Variants in DAB1 observed in about 807,000 individuals in gnomAD.
DAB1 encodes the protein DAB adaptor protein 1.
DAB1 carries 15 observed loss-of-function variants against 64.6 expected under a neutral mutation model. That is an observed-to-expected ratio of 0.23 (90% confidence interval 0.16 to 0.36). DAB1 has a LOEUF of 0.36. Ranked by LOEUF, DAB1 falls within the 10% of genes least tolerant of loss-of-function variation. The pLI is 1.00. For missense variants in DAB1, 596 were observed against 706.7 expected (o/e 0.84, Z 1.78); for synonymous variants, 235 against 251.9 (o/e 0.93, Z 0.64).
intron 3 of DAB1, among the ~76,000 whole-genome samples, chr1:58,485,591 TA>T (rs1645563487): frequency 1.3e-5 from 2 of 152,120 alleles, no homozygotes; most frequent in Admixed American, 6.5e-5. Flanking sequence ...GATGTCTTGG[TA>T]ACTTATTTTT....
chr1:57,833,065 GAAAA>G lies in DAB1; in HGVS notation n.88-6614_88-6611del, dbSNP rs3082004. Among the ~76,000 whole-genome samples the G allele has an allele frequency of 2.4e-3, 350 of 145,132 alleles. 2 individuals are homozygous for G. The highest frequency in any genetic ancestry group is 7.3e-3 in the African/African-American group (286 of 38,962). On this transcript the variant is annotated intron_variant and non_coding_transcript_variant, in intron 1 of 1. Coordinates refer to the DAB1 transcript ENST00000477280. ...AGTGAGCCTGGGAAGGACTGAGACT[GAAAA>G]AAAAAAAAAAAATCCTATGCTTACA...
At chr1:57,505,631 T>C (rs1283283736) in intron 7 of DAB1, among the ~76,000 whole-genome samples, 1 of 152,210 alleles carries the variant, frequency 6.6e-6, no homozygotes, top group Admixed American at 6.5e-5. Context: ...CTAATTAGTG[T>C]CCTGATTTCA....
At chr1:57,455,986 A>G (rs972470410) in intron 7 of DAB1, among the ~76,000 whole-genome samples, 37 of 152,206 alleles carry the variant, frequency 2.4e-4, no homozygotes, top group African/African-American at 8.7e-4. Context: ...ATAAACATTT[A>G]TTGAATATCT....
At chr1:57,025,774 C>T (rs1160405129) in intron 10 of DAB1, among the ~76,000 whole-genome samples, 4 of 152,202 alleles carry the variant, frequency 2.6e-5, no homozygotes, top group Non-Finnish European at 5.9e-5. Context: ...AAAACAGAGG[C>T]ATATATCATA....
intron 7 of DAB1, among the ~76,000 whole-genome samples, chr1:57,582,301 G>T (rs1203263594): frequency 6.6e-6 from 1 of 152,160 alleles, no homozygotes; most frequent in Non-Finnish European, 1.5e-5. Context: ...AGAGTGGCAG[G>T]AGAGAGAGAA....
At chr1:57,092,115 T>C (rs140881524) in intron 4 of DAB1, among the ~76,000 whole-genome samples, 30 of 152,326 alleles carry the variant, frequency 2.0e-4, no homozygotes, top group Non-Finnish European at 3.8e-4. Context: ...GGGTAAACCA[T>C]GCCGTTAGAA....
intron 2 of DAB1, among the ~76,000 whole-genome samples, chr1:57,276,824 A>G (rs1416818761): frequency 1.3e-5 from 2 of 152,212 alleles, no homozygotes; most frequent in East Asian, 1.9e-4. Flanking sequence ...ATAATAAACT[A>G]TAATTGTTTC....
intron 1 of DAB1, among the ~76,000 whole-genome samples, chr1:57,400,488 A>G (rs1683156874): frequency 6.6e-6 from 1 of 151,820 alleles, no homozygotes; most frequent in African/African-American, 2.4e-5. Flanking sequence ...TAATACAACC[A>G]TGGTGGACCT....
At chr1:57,302,218 A>C (rs1570217446) in intron 1 of DAB1, among the ~76,000 whole-genome samples, 1 of 152,304 alleles carries the variant, frequency 6.6e-6, no homozygotes, top group East Asian at 1.9e-4. Flanking sequence ...TGTTTTCCTG[A>C]AGCCATAAAT....
intron 7 of DAB1, among the ~76,000 whole-genome samples, chr1:57,610,821 A>C (rs1334544432): frequency 2.0e-5 from 3 of 152,208 alleles, no homozygotes; most frequent in Non-Finnish European, 2.9e-5. Flanking sequence ...TCCGTTTCTC[A>C]ACATCTGGGG....
At chr1:57,866,452 A>G (rs1485881404) in intron 1 of DAB1, 5 of 152,192 alleles carry the variant, frequency 3.3e-5, no homozygotes, top group Admixed American at 2.0e-4. Context: ...CCTAAAGGCC[A>G]TGTATCTGTA....
chr1:58,488,376 C>T (rs969820695), intron 3 of DAB1, among the ~76,000 whole-genome samples: 21 of 152,178 alleles, frequency 1.4e-4, no homozygotes, highest in African/African-American at 4.6e-4. Context: ...TGTTCAGTTA[C>T]GTGAAAAAGT....
At chr1:58,202,010 A>G (rs892052832) in intron 4 of DAB1, among the ~76,000 whole-genome samples, 1 of 152,164 alleles carries the variant, frequency 6.6e-6, no homozygotes, top group Non-Finnish European at 1.5e-5. Flanking sequence ...CCATGCCCCA[A>G]TTTACACAAC....
chr1:57,562,137 C>T (rs910459209), intron 7 of DAB1, among the ~76,000 whole-genome samples: 2 of 152,198 alleles, frequency 1.3e-5, no homozygotes, highest in African/African-American at 4.8e-5. Flanking sequence ...CTTTGGGAGG[C>T]CGAGGCAGGT....
chr1:57,831,938 A>T (rs897368052), intron 1 of DAB1, among the ~76,000 whole-genome samples: 3 of 152,202 alleles, frequency 2.0e-5, no homozygotes, highest in Admixed American at 6.5e-5. Context: ...AAAGGTGAAC[A>T]CACAGACATG....
chr1:57,795,992 T>C (rs1479960645), intron 6 of DAB1, among the ~76,000 whole-genome samples: 1 of 151,786 alleles, frequency 6.6e-6, no homozygotes, highest in African/African-American at 2.4e-5. Context: ...CAAGGTATCA[T>C]ATATATACAT....
intron 5 of DAB1, among the ~76,000 whole-genome samples, chr1:58,066,208 A>G (rs1648845048): frequency 1.3e-5 from 2 of 152,224 alleles, no homozygotes; most frequent in Non-Finnish European, 2.9e-5. Context: ...AGATCCTCAA[A>G]ACAACAAATG....
intron 14 of DAB1, among the ~76,000 whole-genome samples, chr1:57,006,371 T>C (rs1646066972): frequency 6.6e-6 from 1 of 152,212 alleles, no homozygotes; most frequent in African/African-American, 2.4e-5. Flanking sequence ...GCTGCTTGTG[T>C]TCCTTAGCAC....
intron 5 of DAB1, among the ~76,000 whole-genome samples, chr1:57,889,894 TGGGG>T (rs1644281263): frequency 1.2e-4 from 1 of 8,018 alleles, no homozygotes. Flanking sequence ...TAGCACAAAC[TGGGG>T]CGGGGGGGGG....
Sources: gnomAD v4.1 joint callset for allele counts (sites outside exome capture counted in the v4.1 genomes callset) on GRCh38, gnomAD v4.1.1 for gene constraint, MANE v1.5 for transcripts, NCBI Gene and HGNC (gene_info 2026-07-23, HGNC 2026-07-21) for gene names.